CCSER1: variants seen among roughly 807,000 people sequenced by gnomAD.
CCSER1 encodes coiled-coil serine rich protein 1.
A neutral mutation model predicts 82.0 loss-of-function variants in CCSER1; 41 were observed. The observed-to-expected ratio is 0.50, with a 90% CI of 0.39 to 0.65. The LOEUF is 0.65. Ranked by LOEUF, CCSER1 falls within the 30% of genes least tolerant of loss-of-function variation. The pLI, the probability that CCSER1 is intolerant of heterozygous loss-of-function variation, is 0.00. For missense variants in CCSER1, 1,119 were observed against 1,064.2 expected (o/e 1.05, Z -0.72); for synonymous variants, 414 against 383.9 (o/e 1.08, Z -0.92).
intron 8 of CCSER1, among the ~76,000 whole-genome samples, chr4:90,834,646 C>G (rs1333391041): frequency 6.6e-6 from 1 of 152,048 alleles, no homozygotes; most frequent in African/African-American, 2.4e-5. Flanking sequence ...TAAATTTAAA[C>G]CCATTTTAAT....
intron 9 of CCSER1, among the ~76,000 whole-genome samples, chr4:90,991,176 T>C (rs900088218): frequency 2.0e-5 from 3 of 151,868 alleles, no homozygotes; most frequent in Admixed American, 2.0e-4. Context: ...TATTGCCTCC[T>C]CATCTTCTCT....
chr4:90,728,869 G>A (rs1423717238), intron 7 of CCSER1, among the ~76,000 whole-genome samples: 2 of 151,946 alleles, frequency 1.3e-5, no homozygotes, highest in Non-Finnish European at 2.9e-5. Context: ...TCAACTCTGG[G>A]GATGGATCAC....
At chr4:91,090,880 T>C (rs576014882) in intron 10 of CCSER1, among the ~76,000 whole-genome samples, 20 of 152,308 alleles carry the variant, frequency 1.3e-4, no homozygotes, top group African/African-American at 4.6e-4. Flanking sequence ...TTTCCATCAA[T>C]GCCTGGAGAT....
intron 10 of CCSER1, chr4:91,324,974 G>A (rs1482538448): frequency 8.9e-5 from 30 of 336,122 alleles, no homozygotes; most frequent in Non-Finnish European, 3.5e-5. Context: ...CCTGGTGGGA[G>A]GTGATTGGAT....
intron 10 of CCSER1, among the ~76,000 whole-genome samples, chr4:91,454,615 T>C (rs976399623): frequency 2.6e-5 from 4 of 152,098 alleles, no homozygotes; most frequent in Non-Finnish European, 5.9e-5. Context: ...GGACATTTTA[T>C]TCAGCCTATT....
intron 5 of CCSER1, among the ~76,000 whole-genome samples, chr4:90,584,725 A>G (rs1034643562): frequency 6.6e-6 from 1 of 152,228 alleles, no homozygotes; most frequent in African/African-American, 2.4e-5. Context: ...ACTAAATATA[A>G]TCCAATTAAT....
intron 10 of CCSER1, among the ~76,000 whole-genome samples, chr4:91,170,116 C>T (rs1466043186): frequency 6.6e-6 from 1 of 152,078 alleles, no homozygotes; most frequent in African/African-American, 2.4e-5. Flanking sequence ...AATATAAAAG[C>T]TGGGAGGAGC....
intron 9 of CCSER1, among the ~76,000 whole-genome samples, chr4:91,024,434 T>A (rs1458849591): frequency 3.3e-5 from 5 of 152,122 alleles, no homozygotes; most frequent in African/African-American, 7.2e-5. Context: ...TTATTTTTTT[T>A]AAATTCTGAG....
At chr4:90,443,188 T>C (rs1168496009) in intron 4 of CCSER1, among the ~76,000 whole-genome samples, 1 of 152,180 alleles carries the variant, frequency 6.6e-6, no homozygotes, top group African/African-American at 2.4e-5. Flanking sequence ...AACCTCAGCA[T>C]ATGATTTTTT....
chr4:91,237,335 C>CA (rs1025097869), intron 10 of CCSER1, among the ~76,000 whole-genome samples: 2 of 150,566 alleles, frequency 1.3e-5, no homozygotes, highest in African/African-American at 2.4e-5. Flanking sequence ...TTATTTATCT[C>CA]AAAAAAACAA....
chr4:90,315,261 T>C (rs1579134278), intron 3 of CCSER1, among the ~76,000 whole-genome samples: 1 of 152,170 alleles, frequency 6.6e-6, no homozygotes, highest in Non-Finnish European at 1.5e-5. Flanking sequence ...GTCTGTCCAC[T>C]AGATGGCAGA....
At chr4:90,854,258 A>G (rs756936813) in intron 8 of CCSER1, among the ~76,000 whole-genome samples, 2 of 152,200 alleles carry the variant, frequency 1.3e-5, no homozygotes, top group African/African-American at 2.4e-5. Context: ...TTTAGTTACA[A>G]GGTAAACCAG....
At chr4:91,077,327 A>G (rs1722105870) in intron 9 of CCSER1, among the ~76,000 whole-genome samples, 2 of 152,346 alleles carry the variant, frequency 1.3e-5, no homozygotes, top group South Asian at 4.1e-4. Context: ...ACTGCCTGCC[A>G]GGAACAATTC....
At chr4:90,852,968 T>C (rs540171440) in intron 8 of CCSER1, among the ~76,000 whole-genome samples, 1 of 152,234 alleles carries the variant, frequency 6.6e-6, no homozygotes, top group South Asian at 2.1e-4. Context: ...CCTAAGCTGC[T>C]TGCAAGATTA....
chr4:91,454,298 G>A (rs1756026529), intron 10 of CCSER1, among the ~76,000 whole-genome samples: 1 of 151,976 alleles, frequency 6.6e-6, no homozygotes, highest in Admixed American at 6.6e-5. Flanking sequence ...CAGTTCCCTT[G>A]GCTTCTCCAG....
intron 6 of CCSER1, among the ~76,000 whole-genome samples, chr4:90,699,025 C>T (rs1265020064): frequency 6.6e-6 from 1 of 151,914 alleles, no homozygotes; most frequent in East Asian, 1.9e-4. Context: ...CGCTTGAGCT[C>T]AAGAGGTTGA....
At chr4:90,168,159 T>C (rs924151257) in intron 1 of CCSER1, among the ~76,000 whole-genome samples, 1 of 152,226 alleles carries the variant, frequency 6.6e-6, no homozygotes, top group African/African-American at 2.4e-5. Flanking sequence ...TTTTTAATGA[T>C]CGCCATTCTA....
At chr4:90,198,304 A>T (rs2153402577) in intron 1 of CCSER1, among the ~76,000 whole-genome samples, 1 of 152,194 alleles carries the variant, frequency 6.6e-6, no homozygotes, top group African/African-American at 2.4e-5. Flanking sequence ...GAGGCTATCC[A>T]GGCTATGCTG....
At chr4:90,584,863 A>G (rs190361033) in intron 5 of CCSER1, among the ~76,000 whole-genome samples, 3 of 152,300 alleles carry the variant, frequency 2.0e-5, no homozygotes, top group Admixed American at 6.5e-5. Context: ...TTTTAAAAAA[A>G]GCACAATGAT....
Sources: gnomAD v4.1 joint callset for allele counts (sites outside exome capture counted in the v4.1 genomes callset) on GRCh38, gnomAD v4.1.1 for gene constraint, MANE v1.5 for transcripts, NCBI Gene and HGNC (gene_info 2026-07-23, HGNC 2026-07-21) for gene names.